GRN: variants seen among roughly 807,000 people sequenced by gnomAD.
The protein encoded by GRN is progranulin.
A neutral mutation model predicts 66.7 loss-of-function variants in GRN; 30 were observed. The ratio of observed to expected loss-of-function variants is 0.45; its 90% confidence interval spans 0.34 to 0.61. The LOEUF (loss-of-function observed/expected upper bound fraction) is 0.61. GRN is among the 20% of genes least tolerant of loss of function. GRN has a pLI of 0.01. For missense variants in GRN, 731 were observed against 803.5 expected (o/e 0.91, Z 1.09); for synonymous variants, 327 against 311.1 (o/e 1.05, Z -0.54).
Position 44,352,083 on chromosome 17 carries a change from T to C in GRN, c.1248T>C (p.Cys416=), listed in dbSNP as rs1358873163. 1 of 1,613,554 alleles carries C rather than the reference T, an allele frequency of 6.2e-7. No homozygotes were observed. Among genetic ancestry groups the C allele is most frequent in the South Asian group, 1.1e-5 (1 of 91,064 alleles). The change falls in exon 11 of 13, where the codon TGT becomes TGC. Residue 416 remains cysteine, a synonymous_variant. Transcript: ENST00000053867. The stretch of plus-strand genomic sequence containing the variant: ...ACACGTGTGTAGCTGAGGGGCAGTG[T>C]CAGCGAGGAAGCGAGATCGTGGCTG... ...QGYTCVAEGQ[C]QRGSEIVAGL...
chr17:44,347,484 T>A (rs1191255325), intron 1 of GRN, among the ~76,000 whole-genome samples: 2 of 151,880 alleles, frequency 1.3e-5, no homozygotes, highest in Non-Finnish European at 2.9e-5. Context: ...AGATGGGGTT[T>A]TACCACGTTG....
At position 44,352,758 on chromosome 17, in the gene GRN, A is replaced by T. The variant is rs768223928; in HGVS notation, c.1742A>T (p.Asp581Val). Reference protein sequence around the residue: ...KCLRREAPRWDAPLRDPALRQ... With the variant: ...KCLRREAPRWVAPLRDPALRQ... ...TTGCGCAGGGAGGCCCCGCGCTGGG[A>T]CGCCCCTTTGAGGGACCCAGCCTTG... The change falls in exon 13 of 13, where the codon GAC becomes GTC. Residue 581 changes from aspartate (D) to valine (V), a missense_variant. Asp to Val is a radical substitution (Grantham distance 152). Transcript: ENST00000053867. 87 of 1,611,674 alleles carry T rather than the reference A, an allele frequency of 5.4e-5. No individual in the cohort carries two copies. The Admixed American group carries it at 1.4e-3, about 27-fold the overall frequency.
At position 44,352,881 on chromosome 17, in the gene GRN, A is replaced by T; in HGVS notation, c.*83A>T. 3 of 1,335,176 alleles carry T rather than the reference A, an allele frequency of 2.2e-6. No homozygotes were observed. Among genetic ancestry groups the T allele is most frequent in the Non-Finnish European group, 3.2e-6 (3 of 950,376 alleles). 82.7% of individuals were successfully genotyped at this position (1,335,176 alleles called of 1,614,324 possible). A position where few individuals can be genotyped will look rare whatever the true frequency, so the allele number is the denominator to read the frequency against. On this transcript the variant is annotated 3_prime_UTR_variant, in exon 13 of 13. Transcript: ENST00000053867. The stretch of plus-strand genomic sequence containing the variant: ...TCAGGCCTCCCTAGCACCTCCCCCT[A>T]ACCAAATTCTCCCTGGACCCCATTC...
chr17:44,351,077 A>T lies in GRN; in HGVS notation c.749A>T (p.Asp250Val). The change falls in exon 8 of 13, where the codon GAC (aspartate) becomes GTC (valine). Residue 250 changes from aspartate to valine, a missense_variant. Coordinates refer to ENST00000053867, the MANE Select transcript of GRN (RefSeq NM_002087.4). ...CSDHLHCCPQDTVCDLIQSKC... is the reference protein window; with the variant it reads ...CSDHLHCCPQVTVCDLIQSKC... ...GATCACCTGCACTGCTGCCCCCAAG[A>T]CACTGTGTGTGACCTGATCCAGAGT... 1 of 1,614,002 alleles carries T rather than the reference A, an allele frequency of 6.2e-7. No individual in the cohort carries two copies. The highest frequency in any genetic ancestry group is 8.5e-7 in the Non-Finnish European group (1 of 1,179,954).
rs1306228988 is a variant in GRN at position 44,351,475 on chromosome 17, C to T, written c.933+15C>T. The T allele has an allele frequency of 1.0e-4, 60 of 585,632 alleles. No individual in the cohort carries two copies. Among genetic ancestry groups the T allele is most frequent in the Non-Finnish European group, 1.8e-4 (55 of 311,518 alleles). The allele number at this position is 585,632 out of a possible 1,614,324, so 36.3% of individuals were successfully genotyped here. ...CTTTTACCCAGGTACCCAGGGGTGG[C>T]GGGTGGGTGGGCTGAGCACAGTGTG... On this transcript the variant is annotated intron_variant, in intron 9 of 12. Coordinates refer to ENST00000053867, the MANE Select transcript of GRN (RefSeq NM_002087.4).
chr17:44,348,733 G>T (rs915030228), intron 1 of GRN, among the ~76,000 whole-genome samples: 1 of 152,202 alleles, frequency 6.6e-6, no homozygotes, highest in African/African-American at 2.4e-5. Flanking sequence ...TTCCTGGGGG[G>T]ACTCCCTCCC....
Position 44,349,308 on chromosome 17 carries a change from T to C in GRN, c.138+6T>C. The C allele has an allele frequency of 6.2e-7, 1 of 1,613,942 alleles. No individual in the cohort carries two copies. The highest frequency in any genetic ancestry group is 8.5e-7 in the Non-Finnish European group (1 of 1,180,016). ...GCTGCTGCCGTCCCCTTCTGGTGAG[T>C]GCCCCTCAGCCTAGGCAAGAGCTGG... On this transcript the variant is annotated splice_donor_region_variant and intron_variant, in intron 2 of 12. Transcript: ENST00000053867.
chr17:44,345,999 A>C (rs1454793629), intron 1 of GRN: 1 of 152,298 alleles, frequency 6.6e-6, no homozygotes, highest in African/African-American at 2.4e-5. Context: ...GTAGGGTGGC[A>C]TGAGAGACTG....
Position 44,349,541 on chromosome 17 carries a change from C to T in GRN, c.254C>T (p.Pro85Leu), listed in dbSNP as rs1275075189. The T allele has an allele frequency of 2.5e-6, 4 of 1,614,076 alleles. No individual in the cohort carries two copies. Among genetic ancestry groups the T allele is most frequent in the Admixed American group, 1.7e-5 (1 of 60,014 alleles). Residue 85 changes from proline to leucine, a missense_variant, in exon 3 of 13, where the codon CCC (proline) becomes CTC (leucine). Coordinates refer to ENST00000053867, the MANE Select transcript of GRN (RefSeq NM_002087.4). Reference sequence around the variant, plus strand: ...GTCTCAGGGACTTCCAGTTGCTGCCCCTTCCCAGAGGTGAGCGTGCCATCA... The same window carrying T: ...GTCTCAGGGACTTCCAGTTGCTGCCTCTTCCCAGAGGTGAGCGTGCCATCA... ...FTVSGTSSCCPFPEAVACGDG... is the reference protein window; with the variant it reads ...FTVSGTSSCCLFPEAVACGDG...
In GRN at chr17:44,352,479, G is replaced by C; in HGVS notation, c.1552G>C (p.Asp518His). ...CCGTAGCCCTCACGTGGGTGTGAAG[G>C]ACGTGGAGTGTGGGGAAGGACACTT... ...LARSPHVGVK[D>H]VECGEGHFCH... is the part of the protein sequence containing the mutation. Residue 518 changes from aspartate (D) to histidine (H), a missense_variant, in exon 12 of 13, where the codon GAC (aspartate) becomes CAC (histidine). Asp to His is a moderately conservative substitution (Grantham distance 81). Around this residue, in one of 3 missense-constraint regions of GRN, gnomAD observed 319 missense variants for 347.2 expected, o/e 0.92. Transcript: ENST00000053867. 6.2e-7 allele frequency: 1 copy of C among 1,614,124 alleles called. No homozygotes were observed. The highest frequency in any genetic ancestry group is 8.5e-7 in the Non-Finnish European group (1 of 1,180,008).
chr17:44,349,054 G>A, intron 1 of GRN, 104 bp from the exon 2 acceptor site: 1 of 1,293,726 alleles, frequency 7.7e-7, no homozygotes, highest in Non-Finnish European at 1.1e-6. Flanking sequence ...GGCTCAGGCA[G>A]TCCTGGGCCA....
Position 44,352,827 on chromosome 17 carries a change from CG to C in GRN, c.*32del. 6.2e-7 allele frequency: 1 copy of C among 1,606,450 alleles called. No individual in the cohort carries two copies. The stretch of plus-strand genomic sequence containing the variant: ...ACAGTACTGAAGACTCTGCAGCCCT[CG>C]GGACCCCACTCGGAGGGTGCCCTCT... On this transcript the variant is annotated 3_prime_UTR_variant, in exon 13 of 13. Coordinates refer to ENST00000053867, the MANE Select transcript of GRN (RefSeq NM_002087.4).
In GRN at chr17:44,350,768, A is replaced by G; in HGVS notation, c.676A>G (p.Ser226Gly). The G allele has an allele frequency of 6.2e-7, 1 of 1,613,690 alleles. No homozygotes were observed. The highest frequency in any genetic ancestry group is 2.2e-5 in the East Asian group (1 of 44,868). ...PDGSTCCELP[S>G]GKYGCCPMPN... ...TGGTTCTACCTGCTGTGAGCTGCCC[A>G]GTGGGAAGTATGGCTGCTGCCCAAT... The change falls in exon 7 of 13, where the codon AGT becomes GGT. Residue 226 changes from serine to glycine, a missense_variant. Transcript: ENST00000053867.
At chr17:44,346,968 T>C (rs535808744) in intron 1 of GRN, among the ~76,000 whole-genome samples, 10 of 151,906 alleles carry the variant, frequency 6.6e-5, no homozygotes, top group African/African-American at 2.4e-4. Flanking sequence ...AATACAAAAA[T>C]TAGCCAGGTG....
rs777211749 is a variant in GRN at position 44,350,706 on chromosome 17, C to A, written c.614C>A (p.Ser205Ter). 1 of 1,613,938 alleles carries A rather than the reference C, an allele frequency of 6.2e-7. No homozygotes were observed. Among genetic ancestry groups the A allele is most frequent in the Non-Finnish European group, 8.5e-7 (1 of 1,179,832 alleles). The change falls in exon 7 of 13, where the codon TCG becomes TAG. Residue 205 changes from serine to a stop codon, truncating the protein, a stop_gained. Transcript: ENST00000053867. LOFTEE classifies it high-confidence loss of function. ...CCTCTTCCAGTGGCCTTGTCCAGCT[C>A]GGTCATGTGTCCGGACGCACGGTCC... ...RTNRAVALSS[S>*]VMCPDARSRC... is the part of the protein sequence containing the mutation.
rs2048375729 is a variant in GRN at position 44,351,672 on chromosome 17, C to A, written c.1056C>A (p.Leu352=). 6.2e-7 allele frequency: 1 copy of A among 1,613,986 alleles called. No homozygotes were observed. The highest frequency in any genetic ancestry group is 1.3e-5 in the African/African-American group (1 of 74,918). ...GGATGGAGAAGGCCCCAGCTCACCT[C>A]AGCCTGCCAGACCCACAAGCCTTGA... ...VPWMEKAPAH[L]SLPDPQALKR... Residue 352 remains leucine, a synonymous_variant, in exon 10 of 13, where the codon CTC becomes CTA. Coordinates refer to ENST00000053867, the MANE Select transcript of GRN (RefSeq NM_002087.4).
Position 44,349,675 on chromosome 17 carries a change from A to G in GRN, c.273A>G (p.Ala91=). ...TTCTCTGTGTTCCACAGGCCGTGGCATGCGGGGATGGCCATCACTGCTGCC... is the reference window on the plus strand; with the variant it reads ...TTCTCTGTGTTCCACAGGCCGTGGCGTGCGGGGATGGCCATCACTGCTGCC... ...SSCCPFPEAV[A]CGDGHHCCPR... is the part of the protein sequence containing the mutation. Residue 91 remains alanine (A), a synonymous_variant, in exon 4 of 13, where the codon GCA becomes GCG. Coordinates refer to ENST00000053867, the MANE Select transcript of GRN (RefSeq NM_002087.4). The G allele has an allele frequency of 6.2e-7, 1 of 1,612,508 alleles. No homozygotes were observed. The highest frequency in any genetic ancestry group is 2.2e-5 in the East Asian group (1 of 44,884).
intron 1 of GRN, chr17:44,345,997 G>T (rs1303076966): frequency 6.6e-6 from 1 of 152,322 alleles, no homozygotes; most frequent in Admixed American, 6.5e-5. Flanking sequence ...GTGTAGGGTG[G>T]CATGAGAGAC....
At chr17:44,345,800 G>C (rs1034295734) in intron 1 of GRN, 4 of 152,266 alleles carry the variant, frequency 2.6e-5, no homozygotes, top group African/African-American at 7.2e-5. Context: ...ACTTCCTCTT[G>C]TTGCGGGTGG....
Sources: allele counts gnomAD v4.1 joint callset (sites outside exome capture counted in the v4.1 genomes callset), GRCh38; gene constraint gnomAD v4.1.1; regional missense constraint gnomAD v4.1.1; transcripts MANE v1.5; gene names NCBI Gene and HGNC (gene_info 2026-07-23, HGNC 2026-07-21).